Variants in XXYLT1 observed in about 807,000 individuals in gnomAD.
The protein encoded by XXYLT1 is UDP-xylose:alpha-xyloside alpha-1,3-xylosyltransferase.
In XXYLT1, 20 loss-of-function variants were observed where a neutral mutation model predicts 28.9. The observed-to-expected ratio is 0.69, with a 90% confidence interval of 0.49 to 1.00. The LOEUF (loss-of-function observed/expected upper bound fraction) is 1.00, where lower values mean the gene tolerates loss of function less well. XXYLT1 is among the 50% of genes least tolerant of loss of function. XXYLT1 has a pLI of 0.00. For missense variants in XXYLT1, 542 were observed against 560.1 expected (o/e 0.97, Z 0.33); for synonymous variants, 257 against 253.8 (o/e 1.01, Z -0.12).
chr3:195,133,737 G>A lies in XXYLT1; in HGVS notation c.785+22712C>T, dbSNP rs1214957625. On this transcript the variant is annotated intron_variant, in intron 3 of 3. Coordinates refer to ENST00000310380, the MANE Select transcript of XXYLT1 (RefSeq NM_152531.5). This position sits in a 1 kb window ranked among gnomAD's most constrained non-coding sequence, Gnocchi z 4.4. Reference sequence around the variant, plus strand: ...ACGACAGAACACACGAACAGAGGATGGTGCCAGAAGATCATGATGGAGCTG... The same window carrying A: ...ACGACAGAACACACGAACAGAGGATAGTGCCAGAAGATCATGATGGAGCTG... Among the ~76,000 whole-genome samples the A allele has an allele frequency of 1.3e-5, 2 of 152,140 alleles. No individual in the cohort carries two copies. Among genetic ancestry groups the A allele is most frequent in the African/African-American group, 2.4e-5 (1 of 41,430 alleles).
At position 195,090,440 on chromosome 3, in the gene XXYLT1, C is replaced by T. The variant is rs1021691246; in HGVS notation, c.786-20329G>A. Among the ~76,000 whole-genome samples the T allele has an allele frequency of 2.1e-3, 312 of 150,238 alleles. 7 individuals are homozygous for T. The highest frequency in any genetic ancestry group is 0.02 in the Admixed American group (303 of 15,206). On this transcript the variant is annotated intron_variant, in intron 3 of 3. Transcript: ENST00000310380. ...TCCTGAATGACTACTGGGTACATAACGAAATGAAGGCAGAAATAAAGATGT... is the reference window on the plus strand; with the variant it reads ...TCCTGAATGACTACTGGGTACATAATGAAATGAAGGCAGAAATAAAGATGT...
intron 3 of XXYLT1, among the ~76,000 whole-genome samples, chr3:195,119,884 A>G (rs1352766939): frequency 1.0e-5 from 1 of 100,062 alleles, no homozygotes; most frequent in Non-Finnish European, 1.8e-5. Context: ...AACAAGGTCA[A>G]GGGGTTTGTG....
At chr3:195,122,102 C>A (rs1186756349) in intron 3 of XXYLT1, 10 of 703,058 alleles carry the variant, frequency 1.4e-5, no homozygotes, top group Non-Finnish European at 2.6e-5. Context: ...GCCCAGTTCA[C>A]AGATGGCTGC....
intron 3 of XXYLT1, among the ~76,000 whole-genome samples, chr3:195,137,400 C>T (rs949790803): frequency 1.3e-5 from 2 of 152,304 alleles, no homozygotes; most frequent in East Asian, 1.9e-4. Flanking sequence ...ATTGGGCTTT[C>T]GGCACTGGTC....
At chr3:195,242,650 G>A (rs550100697) in intron 1 of XXYLT1, among the ~76,000 whole-genome samples, 2 of 152,316 alleles carry the variant, frequency 1.3e-5, no homozygotes, top group South Asian at 4.2e-4. Context: ...GGCTGGAGGA[G>A]GTGGGGTCTG....
At chr3:195,147,574 C>T (rs1719930613) in intron 3 of XXYLT1, among the ~76,000 whole-genome samples, 1 of 152,148 alleles carries the variant, frequency 6.6e-6, no homozygotes, top group Non-Finnish European at 1.5e-5. Context: ...ATGTCTCAAA[C>T]AAACAAACTG....
In XXYLT1 at chr3:195,209,122, C is replaced by G. The variant is rs1323700804; in HGVS notation, c.652+17587G>C. ...CTCGCCTCTCAGGGGGAAGCTATCTCCCAGAGTGTAAGATGCCAGTGGGGT... is the reference window on the plus strand; with the variant it reads ...CTCGCCTCTCAGGGGGAAGCTATCTGCCAGAGTGTAAGATGCCAGTGGGGT... On this transcript the variant is annotated intron_variant, in intron 2 of 3. Transcript: ENST00000310380. The surrounding 1 kb of genome is among the most constrained non-coding windows in gnomAD (Gnocchi z 5.0). 6.6e-6 allele frequency among the ~76,000 whole-genome samples: 1 copy of G among 152,238 alleles called. No homozygotes were observed. Among genetic ancestry groups the G allele is most frequent in the Non-Finnish European group, 1.5e-5 (1 of 68,036 alleles).
At chr3:195,108,145 G>A (rs1370464388) in intron 3 of XXYLT1, among the ~76,000 whole-genome samples, 4 of 152,204 alleles carry the variant, frequency 2.6e-5, no homozygotes, top group African/African-American at 9.6e-5. Flanking sequence ...TGGGTCACCT[G>A]AGCTGCAAGT....
intron 2 of XXYLT1, among the ~76,000 whole-genome samples, chr3:195,223,753 A>T (rs147703361): frequency 6.6e-6 from 1 of 152,314 alleles, no homozygotes; most frequent in Non-Finnish European, 1.5e-5. Flanking sequence ...GGCAGGACAC[A>T]CCCCAGACGC....
chr3:195,071,259 T>C (rs978074524), intron 3 of XXYLT1, among the ~76,000 whole-genome samples: 2 of 152,128 alleles, frequency 1.3e-5, no homozygotes, highest in Non-Finnish European at 2.9e-5. Flanking sequence ...CAGCTCTGCC[T>C]CCCAGCCTGG....
intron 2 of XXYLT1, among the ~76,000 whole-genome samples, chr3:195,166,541 C>T (rs1299085428): frequency 6.6e-6 from 1 of 152,198 alleles, no homozygotes; most frequent in Non-Finnish European, 1.5e-5. Flanking sequence ...CAAAATGTGT[C>T]AGTTGTCCAA....
intron 1 of XXYLT1, among the ~76,000 whole-genome samples, chr3:195,253,642 G>A (rs1009115333): frequency 4.6e-5 from 7 of 151,836 alleles, no homozygotes; most frequent in African/African-American, 1.7e-4. Context: ...GGGACTACAG[G>A]TGCCCACCAC....
intron 2 of XXYLT1, among the ~76,000 whole-genome samples, chr3:195,186,421 T>C (rs1051494013): frequency 6.6e-6 from 1 of 152,212 alleles, no homozygotes; most frequent in Non-Finnish European, 1.5e-5. Context: ...AGGCCCTGAA[T>C]AGCCTGACCG....
intron 3 of XXYLT1, among the ~76,000 whole-genome samples, chr3:195,087,805 G>A (rs1367386081): frequency 6.6e-6 from 1 of 152,112 alleles, no homozygotes; most frequent in Non-Finnish European, 1.5e-5. Flanking sequence ...CAGACAGTGG[G>A]CGCAGGTCAG....
At chr3:195,181,157 TCCTGAGGACTGACTTGCTTCC>T (rs1020334313) in intron 2 of XXYLT1, among the ~76,000 whole-genome samples, 24 of 152,222 alleles carry the variant, frequency 1.6e-4, no homozygotes, top group African/African-American at 4.1e-4. Context: ...ACTGTGCTTC[TCCTGAGGACTGACTTGCTTCC>T]CCTGAGGACT....
At chr3:195,213,321 A>G (rs540325207) in intron 2 of XXYLT1, among the ~76,000 whole-genome samples, 5 of 150,926 alleles carry the variant, frequency 3.3e-5, no homozygotes, top group African/African-American at 1.2e-4. Context: ...GTGGAGCACA[A>G]TGGCACAATC....
At chr3:195,131,208 C>A (rs1304247503) in intron 3 of XXYLT1, among the ~76,000 whole-genome samples, 1 of 152,222 alleles carries the variant, frequency 6.6e-6, no homozygotes, top group Non-Finnish European at 1.5e-5. Flanking sequence ...CCCCACATTG[C>A]TCAAACACCC....
chr3:195,130,021 AACTGGTGTCTC>A (rs1718825263), intron 3 of XXYLT1, among the ~76,000 whole-genome samples: 1 of 152,196 alleles, frequency 6.6e-6, no homozygotes, highest in African/African-American at 2.4e-5. Flanking sequence ...AGTGGATATG[AACTGGTGTCTC>A]ACTGTAGCTT....
intron 2 of XXYLT1, among the ~76,000 whole-genome samples, chr3:195,181,808 G>T (rs185036200): frequency 2.0e-4 from 30 of 152,300 alleles, no homozygotes; most frequent in African/African-American, 6.5e-4. Flanking sequence ...AAGAGGGGAA[G>T]ATGAATGAAT....
Sources: gnomAD v4.1 joint callset for allele counts (sites outside exome capture counted in the v4.1 genomes callset) on GRCh38, gnomAD v4.1.1 for gene constraint, Gnocchi (gnomAD v3.1) non-coding constraint, MANE v1.5 for transcripts, NCBI Gene and HGNC (gene_info 2026-07-23, HGNC 2026-07-21) for gene names.